The following PIEZO2 variants were observed in gnomAD, a reference collection of about 807,000 sequenced individuals.
PIEZO2 encodes piezo-type mechanosensitive ion channel component 2.
Under a neutral mutation model 337.3 loss-of-function variants are expected in PIEZO2, and 172 were observed. The ratio of observed to expected loss-of-function variants is 0.51; its 90% CI spans 0.45 to 0.58. PIEZO2 has a LOEUF of 0.58. Among genes scored for constraint, PIEZO2 ranks in the 20% least tolerant of loss-of-function variants. The probability of loss-of-function intolerance (pLI) is 0.00; values close to 1 mark genes in which losing one functional copy is unlikely to be tolerated. For synonymous variants in PIEZO2, 1,251 were observed against 1,228.5 expected, an observed-to-expected ratio of 1.02 and a Z score of -0.38; for missense variants, 3,028 against 3,391.3, an observed-to-expected ratio of 0.89 and a Z score of 2.66.
rs990365809 is a variant in PIEZO2, at chr18:10,726,479, C to T, written c.5029+4928G>A. 1.2e-5 allele frequency: 19 copies of T among 1,522,268 alleles called. 1 individual carries two copies. The Admixed American group carries it at 2.2e-4, about 18-fold the overall frequency. The allele number at this position is 1,522,268 out of a possible 1,614,324, so 94.3% of individuals were successfully genotyped here. A position where few individuals can be genotyped will look rare whatever the true frequency, so the allele number is the denominator to read the frequency against. ...ACCCCACGAGGAGGGCCTGGCCACC[C>T]TGCACAGCGTGCTGCTCCGCAAGCA... On this transcript the variant is annotated intron_variant, in intron 36 of 55. Transcript: ENST00000674853. This position sits in a 1 kb window ranked among gnomAD's most constrained non-coding sequence, Gnocchi z 5.9.
rs562636121 is a variant in PIEZO2 at position 11,021,150 on chromosome 18, A to G, written c.161-41490T>C. Among the ~76,000 whole-genome samples, 41 of 152,298 alleles carry G rather than the reference A, an allele frequency of 2.7e-4. No individual in the cohort carries two copies. Among genetic ancestry groups the G allele is most frequent in the African/African-American group, 9.4e-4 (39 of 41,568 alleles). On this transcript the variant is annotated intron_variant, in intron 2 of 55. Transcript: ENST00000674853. The surrounding 1 kb of genome is among the most constrained non-coding windows in gnomAD (Gnocchi z 4.7). ...TGATTCTCTTCCGTTACATCATGAA[A>G]GAAACTCTAGTCATCTCCACCGGTT... is the stretch of plus-strand genomic sequence containing the variant.
At chr18:10,742,945 A>T (rs572899609) in intron 31 of PIEZO2, among the ~76,000 whole-genome samples, 16 of 152,258 alleles carry the variant, frequency 1.1e-4, no homozygotes, top group African/African-American at 3.9e-4. Context: ...TATCATAGCC[A>T]ATTTGAACAT....
rs550684901 is a variant in PIEZO2, at chr18:10,751,948, A to ATAGC, written c.4167+684_4167+687dup. On this transcript the variant is annotated intron_variant, in intron 28 of 55. Transcript: ENST00000674853. ...TAGGGGAAGAGTTGTGTTCTGAAAC[A>ATAGC]TAGCTACTTAAGAGCAGAGCAGCCA... Among the ~76,000 whole-genome samples, 563 of 152,240 alleles carry ATAGC rather than the reference A, an allele frequency of 3.7e-3. 5 individuals carry two copies. The highest frequency in any genetic ancestry group is 0.013 in the African/African-American group (526 of 41,526).
At chr18:11,067,707 A>G (rs888085101) in intron 1 of PIEZO2, among the ~76,000 whole-genome samples, 5 of 152,240 alleles carry the variant, frequency 3.3e-5, no homozygotes, top group Non-Finnish European at 7.3e-5. Context: ...GAACATCTAC[A>G]TATATAAAGC....
At position 10,707,526 on chromosome 18, in the gene PIEZO2, C is replaced by T. The variant is rs1248423944; in HGVS notation, c.5588+749G>A. Among the ~76,000 whole-genome samples, 2 of 152,146 alleles carry T rather than the reference C, an allele frequency of 1.3e-5. No individual in the cohort carries two copies. The highest frequency in any genetic ancestry group is 2.1e-4 in the South Asian group (1 of 4,828). On this transcript the variant is annotated intron_variant, in intron 40 of 55. Transcript: ENST00000674853. The surrounding 1 kb of genome is among the most constrained non-coding windows in gnomAD (Gnocchi z 4.2). ...AACTTGTCTTGGATTAGGCTGTTTTCGTGTCAGGAGAAACACAGTGTAGCT... is the reference window on the plus strand; with the variant it reads ...AACTTGTCTTGGATTAGGCTGTTTTTGTGTCAGGAGAAACACAGTGTAGCT...
intron 7 of PIEZO2, among the ~76,000 whole-genome samples, chr18:10,838,473 C>CT: frequency 1.3e-5 from 2 of 152,312 alleles, no homozygotes; most frequent in South Asian, 4.1e-4. Flanking sequence ...ACAAACATGT[C>CT]TTAACTATTT....
intron 1 of PIEZO2, among the ~76,000 whole-genome samples, chr18:11,113,296 G>A (rs1260905510): frequency 6.6e-6 from 1 of 152,186 alleles, no homozygotes; most frequent in Admixed American, 6.5e-5. Context: ...GGCCTTCCAT[G>A]TACTCAATCT....
chr18:11,125,418 T>C lies in PIEZO2; in HGVS notation c.64+23107A>G, dbSNP rs1025900644. Among the ~76,000 whole-genome samples, 2 of 152,182 alleles carry C rather than the reference T, an allele frequency of 1.3e-5. No individual in the cohort carries two copies. The highest frequency in any genetic ancestry group is 2.4e-5 in the African/African-American group (1 of 41,448). ...AACTTTTGCCATTATCTGAAGATAC[T>C]TGAGAAAGGAAACAAGTCATTCCTA... On this transcript the variant is annotated intron_variant, in intron 1 of 55. Transcript: ENST00000674853. This position sits in a 1 kb window ranked among gnomAD's most constrained non-coding sequence, Gnocchi z 4.4.
At chr18:10,736,397 A>G (rs1406993039) in intron 34 of PIEZO2, among the ~76,000 whole-genome samples, 2 of 152,188 alleles carry the variant, frequency 1.3e-5, no homozygotes, top group Non-Finnish European at 2.9e-5. Context: ...TGGGCTGTAC[A>G]TGGTTCTTGC....
intron 4 of PIEZO2, among the ~76,000 whole-genome samples, chr18:10,897,198 T>C (rs1281123355): frequency 6.6e-6 from 1 of 151,812 alleles, no homozygotes; most frequent in African/African-American, 2.4e-5. Context: ...GATTTTTTTT[T>C]TTTTCTGAGA....
rs2040889105 is a variant in PIEZO2 at position 11,149,203 on chromosome 18, C to G, written c.-615G>C. Among the ~76,000 whole-genome samples, 1 of 152,024 alleles carries G rather than the reference C, an allele frequency of 6.6e-6. No homozygotes were observed. Among genetic ancestry groups the G allele is most frequent in the African/African-American group, 2.4e-5 (1 of 41,436 alleles). On this transcript the variant is annotated 5_prime_UTR_variant, in exon 1 of 56. Coordinates refer to ENST00000674853, the MANE Select transcript of PIEZO2 (RefSeq NM_001378183.1). The surrounding 1 kb of genome is among the most constrained non-coding windows in gnomAD (Gnocchi z 8.7). ...CCCCCAGGCGGCCCGCGGCGGATCC[C>G]CGAGAGGCAGCGCAGCTCAGCCCCT...
rs551830529 is a variant in PIEZO2, at chr18:11,036,171, T to C, written c.160+29956A>G. Among the ~76,000 whole-genome samples the C allele has an allele frequency of 4.6e-5, 7 of 152,320 alleles. No homozygotes were observed. The East Asian group carries it at 7.7e-4, about 17-fold the overall frequency. ...GTTCCCTTGGAGTTCCTAAATTGTA[T>C]CTTATGCCTAAGGTAAGCAGGAAAA... On this transcript the variant is annotated intron_variant, in intron 2 of 55. Coordinates refer to ENST00000674853, the MANE Select transcript of PIEZO2 (RefSeq NM_001378183.1).
rs538201186 is a variant in PIEZO2 at position 10,916,656 on chromosome 18, G to A, written c.287-5428C>T. On this transcript the variant is annotated intron_variant, in intron 3 of 55. Transcript: ENST00000674853. ...AAGCAAAGTCCCAGTTCCTGCCCAT[G>A]CCTCTCCCTCCACACCTCCCCACAA... 9.2e-5 allele frequency among the ~76,000 whole-genome samples: 14 copies of A among 152,240 alleles called. No individual in the cohort carries two copies. The South Asian group carries it at 2.9e-3, about 32-fold the overall frequency.
At chr18:11,084,702 A>C (rs2038859666) in intron 1 of PIEZO2, among the ~76,000 whole-genome samples, 2 of 152,166 alleles carry the variant, frequency 1.3e-5, no homozygotes, top group African/African-American at 4.8e-5. Context: ...TCAGATGATA[A>C]AAACTCCACC....
intron 3 of PIEZO2, among the ~76,000 whole-genome samples, chr18:10,932,440 T>A (rs1476501654): frequency 6.6e-6 from 1 of 152,074 alleles, no homozygotes. Context: ...TAGCCATGAA[T>A]TCTCCACCTG....
chr18:10,806,007 C>T (rs2039991877), intron 8 of PIEZO2, among the ~76,000 whole-genome samples: 1 of 152,244 alleles, frequency 6.6e-6, no homozygotes. Flanking sequence ...TAAGTGGGGC[C>T]CTGCCTACTG....
chr18:11,085,800 G>A (rs1401671123), intron 1 of PIEZO2, among the ~76,000 whole-genome samples: 1 of 150,222 alleles, frequency 6.7e-6, no homozygotes, highest in Admixed American at 6.6e-5. Flanking sequence ...TACTTAAATT[G>A]TAATGCTTAC....
At position 11,092,794 on chromosome 18, in the gene PIEZO2, G is replaced by T. The variant is rs141556034; in HGVS notation, c.65-26572C>A. On this transcript the variant is annotated intron_variant, in intron 1 of 55. Coordinates refer to ENST00000674853, the MANE Select transcript of PIEZO2 (RefSeq NM_001378183.1). The surrounding 1 kb of genome is among the most constrained non-coding windows in gnomAD (Gnocchi z 4.5). ...GGGGTCGGAACTGAGAACATTTATG[G>T]CATGAGGACCTTCTGTGGCCCCCTC... Among the ~76,000 whole-genome samples the T allele has an allele frequency of 5.9e-5, 9 of 152,284 alleles. No homozygotes were observed. The East Asian group carries it at 1.7e-3, about 29-fold the overall frequency.
chr18:11,008,298 C>T lies in PIEZO2; in HGVS notation c.161-28638G>A, dbSNP rs138621028. Among the ~76,000 whole-genome samples, 28 of 152,318 alleles carry T rather than the reference C, an allele frequency of 1.8e-4. No homozygotes were observed. In the East Asian group the frequency reaches 5.2e-3, roughly 28 times the overall value. On this transcript the variant is annotated intron_variant, in intron 2 of 55. Coordinates refer to ENST00000674853, the MANE Select transcript of PIEZO2 (RefSeq NM_001378183.1). ...TGTGCTAATCATGCAAGATGCTTGT[C>T]TCTGCATTGAAAATAGGCCCATGAC...
Sources: gnomAD v4.1 joint callset for allele counts (sites outside exome capture counted in the v4.1 genomes callset) on GRCh38, gnomAD v4.1.1 for gene constraint, Gnocchi (gnomAD v3.1) non-coding constraint, MANE v1.5 for transcripts, NCBI Gene and HGNC (gene_info 2026-07-23, HGNC 2026-07-21) for gene names.